The following GCH1 variants were observed in gnomAD, a reference collection of about 807,000 sequenced individuals.
The protein encoded by GCH1 is GTP cyclohydrolase 1.
A neutral mutation model predicts 25.9 loss-of-function variants in GCH1; 5 were observed. The ratio of observed to expected loss-of-function variants is 0.19; its 90% CI spans 0.10 to 0.41. The LOEUF (loss-of-function observed/expected upper bound fraction) is 0.41. Among genes scored for constraint, GCH1 ranks in the 10% least tolerant of loss-of-function variants. GCH1 has a pLI of 1.00. For synonymous variants in GCH1, 159 were observed against 129.6 expected, an observed-to-expected ratio of 1.23 and a Z score of -1.54; for missense variants, 261 against 336.5, an observed-to-expected ratio of 0.78 and a Z score of 1.75.
At chr14:54,894,854 TG>T (rs2040465102) in intron 1 of GCH1, among the ~76,000 whole-genome samples, 1 of 152,198 alleles carries the variant, frequency 6.6e-6, no homozygotes, top group Non-Finnish European at 1.5e-5. Context: ...AAATTATTAA[TG>T]GATCAAAATT....
intron 1 of GCH1, among the ~76,000 whole-genome samples, chr14:54,868,899 CTTA>C (rs748909708): frequency 2.0e-5 from 3 of 151,556 alleles, no homozygotes; most frequent in Non-Finnish European, 4.4e-5. Flanking sequence ...CGTACCTGGC[CTTA>C]TTATTATTAT....
intron 1 of GCH1, among the ~76,000 whole-genome samples, chr14:54,869,050 C>A (rs988457635): frequency 6.6e-6 from 1 of 150,536 alleles, no homozygotes; most frequent in African/African-American, 2.4e-5. Flanking sequence ...ATATTAATTT[C>A]TTTTTTGAGA....
At chr14:54,882,749 A>C (rs1173860302) in intron 1 of GCH1, among the ~76,000 whole-genome samples, 1 of 152,152 alleles carries the variant, frequency 6.6e-6, no homozygotes, top group Non-Finnish European at 1.5e-5. Flanking sequence ...ATCATCCTAC[A>C]TTCACTTATA....
At chr14:54,877,148 C>T (rs2040173287) in intron 1 of GCH1, among the ~76,000 whole-genome samples, 1 of 152,172 alleles carries the variant, frequency 6.6e-6, no homozygotes, top group East Asian at 1.9e-4. Flanking sequence ...TCCAACATAT[C>T]TAAAAGCTAC....
At chr14:54,867,449 G>A (rs1217942132) in intron 1 of GCH1, among the ~76,000 whole-genome samples, 3 of 151,864 alleles carry the variant, frequency 2.0e-5, no homozygotes, top group Non-Finnish European at 2.9e-5. Context: ...TAAGCCAGGC[G>A]TGGTGGTGCA....
At chr14:54,844,910 G>A (rs555988313) in intron 5 of GCH1, among the ~76,000 whole-genome samples, 6 of 152,318 alleles carry the variant, frequency 3.9e-5, no homozygotes, top group South Asian at 2.1e-4. Flanking sequence ...GGTGGCTCAC[G>A]CCAGTAATCT....
intron 1 of GCH1, among the ~76,000 whole-genome samples, chr14:54,900,843 T>TCACACACACA (rs1491121836): frequency 2.4e-5 from 2 of 84,648 alleles, no homozygotes; most frequent in Admixed American, 3.4e-4. Context: ...TTGTGAAATA[T>TCACACACACA]CTCACACACA....
intron 1 of GCH1, among the ~76,000 whole-genome samples, chr14:54,883,451 AGG>A (rs2040302201): frequency 6.6e-6 from 1 of 150,520 alleles, no homozygotes; most frequent in South Asian, 2.1e-4. Flanking sequence ...AGGCCGAGGC[AGG>A]TGGATCACGA....
intron 5 of GCH1, among the ~76,000 whole-genome samples, chr14:54,845,553 T>C (rs1050097693): frequency 4.0e-5 from 6 of 151,680 alleles, no homozygotes; most frequent in African/African-American, 1.5e-4. Flanking sequence ...ACAAGCCCCA[T>C]CCTACCCTCA....
At chr14:54,896,582 A>G (rs189972141) in intron 1 of GCH1, among the ~76,000 whole-genome samples, 118 of 152,244 alleles carry the variant, frequency 7.8e-4, no homozygotes, top group African/African-American at 2.6e-3. Flanking sequence ...ATCTGGAGCC[A>G]GTGCACACAC....
chr14:54,877,423 C>G (rs2040177988), intron 1 of GCH1, among the ~76,000 whole-genome samples: 1 of 152,162 alleles, frequency 6.6e-6, no homozygotes, highest in Non-Finnish European at 1.5e-5. Context: ...TGGGTAACAT[C>G]CCTCAAGTAT....
Position 54,902,542 on chromosome 14 carries a change from C to A in GCH1, c.122G>T (p.Arg41Leu). ...GGGCTGCGCGCTCTTGGCCTCGGGCCGCGGGGGCTTCTCCGCCGGCCTGCT... is the reference window on the plus strand; with the variant it reads ...GGGCTGCGCGCTCTTGGCCTCGGGCAGCGGGGGCTTCTCCGCCGGCCTGCT... ...GPSRPAEKPP[R>L]PEAKSAQPAD... Residue 41 changes from arginine (R) to leucine (L), a missense_variant, in exon 1 of 6, where the codon CGG becomes CTG. Coordinates refer to ENST00000491895, the MANE Select transcript of GCH1 (RefSeq NM_000161.3). The A allele has an allele frequency of 4.5e-6, 7 of 1,549,280 alleles. No individual in the cohort carries two copies. Among genetic ancestry groups the A allele is most frequent in the Non-Finnish European group, 6.1e-6 (7 of 1,149,774 alleles).
At chr14:54,886,469 G>A (rs10139282) in intron 1 of GCH1, among the ~76,000 whole-genome samples, 27,466 of 151,892 alleles carry the variant, frequency 0.18, 3,137 homozygotes, top group East Asian at 0.41. Flanking sequence ...AAAATTAGCC[G>A]GGCGCGGTGG....
At chr14:54,860,150 G>C (rs954416229) in intron 2 of GCH1, among the ~76,000 whole-genome samples, 4 of 152,104 alleles carry the variant, frequency 2.6e-5, no homozygotes, top group Non-Finnish European at 5.9e-5. Context: ...TAGAATTTTT[G>C]ATCAGTGTTT....
At chr14:54,893,015 G>A (rs2140115505) in intron 1 of GCH1, among the ~76,000 whole-genome samples, 1 of 152,242 alleles carries the variant, frequency 6.6e-6, no homozygotes, top group South Asian at 2.1e-4. Flanking sequence ...GGCGGCAGAG[G>A]TTTCAGTGAG....
rs142110185 is a variant in GCH1, at chr14:54,897,829, C to T, written c.343+4492G>A. ...TGGAAGATGAACCAAGACCATCCAA[C>T]GTAAAGCTTTTAACCCATTAAAAAG... is the stretch of plus-strand genomic sequence containing the variant. On this transcript the variant is annotated intron_variant, in intron 1 of 5. Coordinates refer to ENST00000491895, the MANE Select transcript of GCH1 (RefSeq NM_000161.3). 1.6e-3 allele frequency among the ~76,000 whole-genome samples: 251 copies of T among 152,290 alleles called. 2 individuals carry two copies. Among genetic ancestry groups the T allele is most frequent in the Non-Finnish European group, 2.5e-3 (172 of 68,026 alleles).
At position 54,880,831 on chromosome 14, in the gene GCH1, C is replaced by CAT. The variant is rs542373321; in HGVS notation, c.344-15397_344-15396dup. Reference sequence around the variant, plus strand: ...ACTCCATATATATATATATATACTCCATATATATATATACTCCATATATAT... The same window carrying CAT: ...ACTCCATATATATATATATATACTCCATATATATATATATACTCCATATATAT... On this transcript the variant is annotated intron_variant, in intron 1 of 5. Coordinates refer to ENST00000491895, the MANE Select transcript of GCH1 (RefSeq NM_000161.3). Among the ~76,000 whole-genome samples the CAT allele has an allele frequency of 6.9e-3, 408 of 59,462 alleles. 62 individuals carry two copies. Among genetic ancestry groups the CAT allele is most frequent in the East Asian group, 0.059 (71 of 1,206 alleles). The allele number at this position is 59,462 out of a possible 152,430, so 39.0% of individuals were successfully genotyped here. A position where few individuals can be genotyped will look rare whatever the true frequency, so the allele number is the denominator to read the frequency against.
intron 1 of GCH1, among the ~76,000 whole-genome samples, chr14:54,897,689 G>A (rs2040507826): frequency 6.6e-6 from 1 of 152,112 alleles, no homozygotes; most frequent in Admixed American, 6.5e-5. Flanking sequence ...TAAGGAAGTG[G>A]CTAAGAATTC....
intron 3 of GCH1, among the ~76,000 whole-genome samples, chr14:54,847,868 G>A (rs1225764715): frequency 6.6e-6 from 1 of 152,070 alleles, no homozygotes; most frequent in Admixed American, 6.6e-5. Flanking sequence ...TTTAGATCAT[G>A]TCTCAAGTGC....
Sources: allele counts gnomAD v4.1 joint callset (sites outside exome capture counted in the v4.1 genomes callset), GRCh38; gene constraint gnomAD v4.1.1; transcripts MANE v1.5; gene names NCBI Gene and HGNC (gene_info 2026-07-23, HGNC 2026-07-21).